The following GPC5 variants were observed in gnomAD, a reference collection of about 807,000 sequenced individuals.
GPC5 encodes the protein glypican 5.
In GPC5, 47 loss-of-function variants were observed where a neutral mutation model predicts 53.9. The ratio of observed to expected loss-of-function variants is 0.87; its 90% CI spans 0.69 to 1.11. The LOEUF (loss-of-function observed/expected upper bound fraction) is 1.11. GPC5 is among the 50% of genes most tolerant of loss of function. The pLI is 0.00. For synonymous variants in GPC5, 286 were observed against 263.3 expected, an observed-to-expected ratio of 1.09 and a Z score of -0.84; for missense variants, 748 against 713.1, an observed-to-expected ratio of 1.05 and a Z score of -0.56.
At chr13:92,131,078 T>C (rs529500455) in intron 6 of GPC5, among the ~76,000 whole-genome samples, 1 of 152,010 alleles carries the variant, frequency 6.6e-6, no homozygotes, top group African/African-American at 2.4e-5. Context: ...TTTAAAAACC[T>C]AAAAGCCTAA....
chr13:92,495,116 C>G (rs1334437746), intron 7 of GPC5, among the ~76,000 whole-genome samples: 1 of 152,170 alleles, frequency 6.6e-6, no homozygotes, highest in African/African-American at 2.4e-5. Flanking sequence ...GTTCGTCAGT[C>G]TAGAAAGGTA....
chr13:91,691,531 A>G (rs2035757719), intron 2 of GPC5, among the ~76,000 whole-genome samples: 2 of 152,162 alleles, frequency 1.3e-5, no homozygotes, highest in Non-Finnish European at 2.9e-5. Context: ...CAGGTAACAC[A>G]TGAGCTCTAC....
intron 6 of GPC5, among the ~76,000 whole-genome samples, chr13:91,912,547 A>C (rs1305850922): frequency 2.0e-5 from 3 of 152,192 alleles, no homozygotes; most frequent in Admixed American, 6.5e-5. Flanking sequence ...TCACTTAAAA[A>C]AATAAGATCA....
chr13:92,327,341 G>C (rs572472665), intron 7 of GPC5, among the ~76,000 whole-genome samples: 1 of 152,104 alleles, frequency 6.6e-6, no homozygotes, highest in African/African-American at 2.4e-5. Context: ...ACTCTTTTCT[G>C]TTCTCTTGCT....
At chr13:92,558,346 C>A (rs1461121191) in intron 7 of GPC5, among the ~76,000 whole-genome samples, 1 of 151,940 alleles carries the variant, frequency 6.6e-6, no homozygotes, top group Non-Finnish European at 1.5e-5. Context: ...ATAAAAGAAA[C>A]TAACATATGC....
At chr13:91,404,552 C>A (rs1877181845) in intron 1 of GPC5, among the ~76,000 whole-genome samples, 1 of 152,190 alleles carries the variant, frequency 6.6e-6, no homozygotes, top group Non-Finnish European at 1.5e-5. Context: ...TTGAACTTTT[C>A]AGTTTTAGTA....
At chr13:92,253,137 A>G (rs1594039066) in intron 7 of GPC5, among the ~76,000 whole-genome samples, 1 of 152,132 alleles carries the variant, frequency 6.6e-6, no homozygotes, top group South Asian at 2.1e-4. Flanking sequence ...ATTTCTCCAT[A>G]TAGGATAAAA....
rs148030825 is a variant in GPC5, at chr13:92,363,510, A to G, written c.1561+218521A>G. 4.0e-4 allele frequency among the ~76,000 whole-genome samples: 60 copies of G among 151,876 alleles called. 2 individuals are homozygous for G. The highest frequency in any genetic ancestry group is 1.4e-3 in the African/African-American group (59 of 41,140). ...ATCCCTCGCATGTACAGTTCACAAT[A>G]GAGTTCTCTCTCCTATGAGAATCAA... On this transcript the variant is annotated intron_variant, in intron 7 of 7. Transcript: ENST00000377067.
intron 5 of GPC5, among the ~76,000 whole-genome samples, chr13:91,798,435 T>C (rs1450131300): frequency 6.6e-6 from 1 of 152,172 alleles, no homozygotes; most frequent in Non-Finnish European, 1.5e-5. Context: ...AGTGAGAACA[T>C]TCAGTGCTTG....
intron 7 of GPC5, among the ~76,000 whole-genome samples, chr13:92,282,238 G>A (rs2042921346): frequency 6.6e-6 from 1 of 152,166 alleles, no homozygotes; most frequent in Non-Finnish European, 1.5e-5. Flanking sequence ...CAAGAAATAT[G>A]GGACTATGTG....
chr13:92,579,322 C>CCTCTCTCT (rs911678107), intron 7 of GPC5, among the ~76,000 whole-genome samples: 2 of 95,950 alleles, frequency 2.1e-5, no homozygotes, highest in East Asian at 6.3e-4. Flanking sequence ...TCCCTCCCTC[C>CCTCTCTCT]CTCTCTCTCT....
At chr13:91,748,875 T>C (rs1318800058) in intron 4 of GPC5, among the ~76,000 whole-genome samples, 5 of 152,088 alleles carry the variant, frequency 3.3e-5, no homozygotes, top group Admixed American at 3.3e-4. Context: ...GCCTGGAATC[T>C]TGTTCAGTAA....
chr13:91,518,845 ACCCGG>A (rs1161768749), intron 2 of GPC5, among the ~76,000 whole-genome samples: 1 of 152,084 alleles, frequency 6.6e-6, no homozygotes, highest in Non-Finnish European at 1.5e-5. Flanking sequence ...GAGCCACCAC[ACCCGG>A]CTCAATTTCA....
intron 7 of GPC5, among the ~76,000 whole-genome samples, chr13:92,723,038 G>T (rs747096985): frequency 3.3e-5 from 5 of 151,552 alleles, no homozygotes; most frequent in Non-Finnish European, 5.9e-5. Context: ...AGACAGAACC[G>T]GGTTTAAATC....
At chr13:91,804,215 A>G (rs907303608) in intron 5 of GPC5, among the ~76,000 whole-genome samples, 8 of 152,218 alleles carry the variant, frequency 5.3e-5, no homozygotes, top group African/African-American at 1.9e-4. Context: ...ATTGCTGGTT[A>G]TGCTTTCTTA....
chr13:91,751,955 G>C (rs1252220858), intron 4 of GPC5, among the ~76,000 whole-genome samples: 1 of 152,168 alleles, frequency 6.6e-6, no homozygotes, highest in African/African-American at 2.4e-5. Context: ...AGACTGGGTG[G>C]CTTAAACAAC....
chr13:92,774,904 T>G (rs892781853), intron 7 of GPC5, among the ~76,000 whole-genome samples: 5 of 152,314 alleles, frequency 3.3e-5, no homozygotes, highest in Middle Eastern at 3.4e-3. Flanking sequence ...AAAAAAAGAT[T>G]AAAGTTGTCT....
intron 1 of GPC5, among the ~76,000 whole-genome samples, chr13:91,416,973 C>T (rs1878281063): frequency 6.6e-6 from 1 of 152,120 alleles, no homozygotes; most frequent in Non-Finnish European, 1.5e-5. Flanking sequence ...TTACCATTCC[C>T]TTGAAACATT....
intron 6 of GPC5, among the ~76,000 whole-genome samples, chr13:92,031,714 C>CGT: frequency 4.3e-5 from 1 of 23,156 alleles, no homozygotes; most frequent in Admixed American, 7.8e-4. Flanking sequence ...ATATATATTA[C>CGT]ATATATGTAA....
Sources: gnomAD v4.1 joint callset for allele counts (sites outside exome capture counted in the v4.1 genomes callset) on GRCh38, gnomAD v4.1.1 for gene constraint, MANE v1.5 for transcripts, NCBI Gene and HGNC (gene_info 2026-07-23, HGNC 2026-07-21) for gene names.